Variants in VWC2 observed in about 807,000 individuals in gnomAD.
VWC2 encodes von Willebrand factor C domain containing 2.
VWC2 carries 14 observed loss-of-function variants against 29.8 expected under a neutral mutation model. The observed-to-expected ratio is 0.47, with a 90% CI of 0.31 to 0.74. The LOEUF is 0.74. Among genes scored for constraint, VWC2 ranks in the 30% least tolerant of loss-of-function variants. The probability of loss-of-function intolerance (pLI) is 0.05; values close to 1 mark genes in which losing one functional copy is unlikely to be tolerated. For missense variants in VWC2, 457 were observed against 459.8 expected, an observed-to-expected ratio of 0.99 and a Z score of 0.05; for synonymous variants, 213 against 199.0, an observed-to-expected ratio of 1.07 and a Z score of -0.59.
intron 3 of VWC2, among the ~76,000 whole-genome samples, chr7:49,873,140 A>G (rs1791245845): frequency 6.6e-6 from 1 of 152,190 alleles, no homozygotes; most frequent in East Asian, 1.9e-4. Flanking sequence ...TTTGAAGAGA[A>G]AAAAGAAATT....
At chr7:49,904,649 A>T (rs1477205496) in intron 3 of VWC2, among the ~76,000 whole-genome samples, 1 of 152,154 alleles carries the variant, frequency 6.6e-6, no homozygotes. Context: ...TTTTTATTCA[A>T]AAAGAACTTA....
chr7:49,800,614 G>A (rs368290601), intron 2 of VWC2, among the ~76,000 whole-genome samples: 2 of 152,128 alleles, frequency 1.3e-5, no homozygotes, highest in East Asian at 3.9e-4. Context: ...GGGCTTGAGG[G>A]CTTATGCTCT....
At chr7:49,852,413 G>A (rs1056817827) in intron 3 of VWC2, among the ~76,000 whole-genome samples, 1 of 152,244 alleles carries the variant, frequency 6.6e-6, no homozygotes, top group Non-Finnish European at 1.5e-5. Flanking sequence ...TTAACAAGGT[G>A]ACCGGTGCTG....
chr7:49,811,793 G>A (rs1789015948), intron 3 of VWC2, among the ~76,000 whole-genome samples: 1 of 152,156 alleles, frequency 6.6e-6, no homozygotes, highest in South Asian at 2.1e-4. Flanking sequence ...GTATATCCCA[G>A]TTATTCCTTC....
rs775678048 is a variant in VWC2, at chr7:49,775,481, C to T, written c.46C>T (p.Leu16Phe). Reference sequence around the variant, plus strand: ...GGCAGTTGGCGCGCTCTCCAGTTCCCTCCTGGTCACCTGCTGCCTGATGGT... The same window carrying T: ...GGCAGTTGGCGCGCTCTCCAGTTCCTTCCTGGTCACCTGCTGCCTGATGGT... ...AMAVGALSSSLLVTCCLMVAL... is the reference protein window; with the variant it reads ...AMAVGALSSSFLVTCCLMVAL... The change falls in exon 2 of 4, where the codon CTC (leucine) becomes TTC (phenylalanine). Residue 16 changes from leucine to phenylalanine, a missense_variant. This residue lies in a region of VWC2 where 272 missense variants were observed against 202.7 expected (regional missense o/e 1.34). Coordinates refer to ENST00000340652, the MANE Select transcript of VWC2 (RefSeq NM_198570.5). 27 of 1,552,460 alleles carry T rather than the reference C, an allele frequency of 1.7e-5. No homozygotes were observed. In the South Asian group the frequency reaches 3.1e-4, roughly 18 times the overall value.
chr7:49,875,964 TGGTGTTGCATTGTGCTGG>T lies in VWC2; in HGVS notation c.827-36069_827-36052del, dbSNP rs1366703368. Among the ~76,000 whole-genome samples the T allele has an allele frequency of 3.3e-5, 5 of 152,182 alleles. No individual in the cohort carries two copies. The East Asian group carries it at 9.7e-4, about 29-fold the overall frequency. ...GGCTGGAAGAATGAGTCGAAGAAAT[TGGTGTTGCATTGTGCTGG>T]CACACTTATTCTGTACTGTGAATAT... is the stretch of plus-strand genomic sequence containing the variant. On this transcript the variant is annotated intron_variant, in intron 3 of 3. Coordinates refer to ENST00000340652, the MANE Select transcript of VWC2 (RefSeq NM_198570.5).
intron 3 of VWC2, among the ~76,000 whole-genome samples, chr7:49,882,536 C>G (rs1010171753): frequency 6.6e-6 from 1 of 151,656 alleles, no homozygotes; most frequent in Non-Finnish European, 1.5e-5. Flanking sequence ...GAGGGACACA[C>G]AGAGAGAGAG....
intron 3 of VWC2, among the ~76,000 whole-genome samples, chr7:49,884,719 CTCAAG>C (rs1791821334): frequency 1.3e-5 from 2 of 152,084 alleles, no homozygotes; most frequent in South Asian, 2.1e-4. Context: ...ACAGCCCAAA[CTCAAG>C]TCAAGTTTTA....
chr7:49,828,035 C>A (rs920935821), intron 3 of VWC2, among the ~76,000 whole-genome samples: 4 of 152,174 alleles, frequency 2.6e-5, no homozygotes, highest in Non-Finnish European at 4.4e-5. Flanking sequence ...TCCCATCCCA[C>A]CCTACCTGCC....
chr7:49,896,529 T>G (rs1227148392), intron 3 of VWC2, among the ~76,000 whole-genome samples: 2 of 150,676 alleles, frequency 1.3e-5, no homozygotes, highest in Non-Finnish European at 1.5e-5. Flanking sequence ...AAAGAAAAAA[T>G]AGTAAAGATG....
chr7:49,877,507 T>TATATATATATATATAG (rs1349966764), intron 3 of VWC2, among the ~76,000 whole-genome samples: 13 of 90,308 alleles, frequency 1.4e-4, no homozygotes, highest in Middle Eastern at 5.1e-3. Context: ...TATATATATA[T>TATATATATATATATAG]ATATATATAT....
At chr7:49,774,676 C>T (rs1302530718) in intron 1 of VWC2, among the ~76,000 whole-genome samples, 2 of 152,124 alleles carry the variant, frequency 1.3e-5, no homozygotes, top group East Asian at 1.9e-4. Flanking sequence ...GCTGAAGCCC[C>T]GGGAATCCCC....
At chr7:49,825,675 C>A (rs1265830636) in intron 3 of VWC2, among the ~76,000 whole-genome samples, 3 of 152,226 alleles carry the variant, frequency 2.0e-5, no homozygotes, top group Admixed American at 6.5e-5. Context: ...CACTTCCCAG[C>A]TGCTCTGCTA....
chr7:49,893,346 T>A (rs983963025), intron 3 of VWC2, among the ~76,000 whole-genome samples: 1 of 152,088 alleles, frequency 6.6e-6, no homozygotes, highest in Non-Finnish European at 1.5e-5. Flanking sequence ...TCCCTGGGAG[T>A]CACTGAGAAA....
intron 2 of VWC2, among the ~76,000 whole-genome samples, chr7:49,796,500 T>G (rs1562708628): frequency 6.6e-6 from 1 of 152,216 alleles, no homozygotes; most frequent in Non-Finnish European, 1.5e-5. Flanking sequence ...TAGGCATCTC[T>G]TGTTTCTCAC....
At chr7:49,804,174 A>ATTT (rs1562711947) in intron 3 of VWC2, among the ~76,000 whole-genome samples, 1 of 149,812 alleles carries the variant, frequency 6.7e-6, no homozygotes, top group African/African-American at 2.4e-5. Flanking sequence ...TTTTTTTTTA[A>ATTT]AAAAAAAAAT....
chr7:49,811,725 G>A (rs1407590304), intron 3 of VWC2, among the ~76,000 whole-genome samples: 1 of 152,198 alleles, frequency 6.6e-6, no homozygotes, highest in African/African-American at 2.4e-5. Flanking sequence ...ATGTCAAGTG[G>A]TGCGCCTACT....
At chr7:49,896,936 C>A (rs1034742101) in intron 3 of VWC2, among the ~76,000 whole-genome samples, 1 of 142,076 alleles carries the variant, frequency 7.0e-6, no homozygotes, top group African/African-American at 2.6e-5. Context: ...TCGCCCAGGC[C>A]GGACTGCAGA....
chr7:49,898,075 T>C (rs1033327953), intron 3 of VWC2, among the ~76,000 whole-genome samples: 54 of 152,164 alleles, frequency 3.5e-4, no homozygotes, highest in Admixed American at 2.0e-4. Context: ...TAGCCCACTA[T>C]AGCCTTCCTG....
Sources: allele counts gnomAD v4.1 joint callset (sites outside exome capture counted in the v4.1 genomes callset), GRCh38; gene constraint gnomAD v4.1.1; regional missense constraint gnomAD v4.1.1; transcripts MANE v1.5; gene names NCBI Gene and HGNC (gene_info 2026-07-23, HGNC 2026-07-21).